The following SHISA2 variants were observed in gnomAD, a reference collection of about 807,000 sequenced individuals.
SHISA2 encodes the protein protein shisa-2 homolog.
In SHISA2, 16 loss-of-function variants were observed where a neutral mutation model predicts 23.8. The observed-to-expected ratio is 0.67, with a 90% CI of 0.46 to 1.02. The LOEUF is 1.02. SHISA2 is among the 50% of genes least tolerant of loss of function. The probability of loss-of-function intolerance (pLI) is 0.00; values close to 1 mark genes in which losing one functional copy is unlikely to be tolerated. For missense variants in SHISA2, 459 were observed against 420.1 expected (o/e 1.09, Z -0.81); for synonymous variants, 201 against 178.6 (o/e 1.13, Z -1.00).
chr13:26,048,460 T>C (rs1205387355), intron 1 of SHISA2, among the ~76,000 whole-genome samples: 1 of 152,140 alleles, frequency 6.6e-6, no homozygotes, highest in Non-Finnish European at 1.5e-5. Flanking sequence ...TTTGTGGAAT[T>C]CTACCCTATG....
Position 26,050,851 on chromosome 13 carries a change from A to C in SHISA2, c.125T>G (p.Leu42Arg). The change falls in exon 1 of 2, where the codon CTG becomes CGG. Residue 42 changes from leucine to arginine, a missense_variant. Coordinates refer to ENST00000319420, the MANE Select transcript of SHISA2 (RefSeq NM_001007538.2). The stretch of plus-strand genomic sequence containing the variant: ...GATGCGCCAGACGCCCTGCGCGTCC[A>C]GCCAGCCGTGGCAGTACTCGCCGCT... ...RASGEYCHGW[L>R]DAQGVWRIGF... 2 of 1,530,452 alleles carry C rather than the reference A, an allele frequency of 1.3e-6. No individual in the cohort carries two copies. The highest frequency in any genetic ancestry group is 1.2e-5 in the South Asian group (1 of 83,338). The allele number at this position is 1,530,452 out of a possible 1,614,324, so 94.8% of individuals were successfully genotyped here.
At position 26,051,014 on chromosome 13, in the gene SHISA2, C is replaced by G; in HGVS notation, c.-39G>C. 6.9e-7 allele frequency: 1 copy of G among 1,442,888 alleles called. No homozygotes were observed. Among genetic ancestry groups the G allele is most frequent in the Admixed American group, 2.6e-5 (1 of 37,846 alleles). The allele number at this position is 1,442,888 out of a possible 1,614,324, so 89.4% of individuals were successfully genotyped here. On this transcript the variant is annotated 5_prime_UTR_variant, in exon 1 of 2. Coordinates refer to ENST00000319420, the MANE Select transcript of SHISA2 (RefSeq NM_001007538.2). ...GCGCGGACAGCGCGTCTCCAGAGAG[C>G]GCAGGACGGTCTCCGAGAAGTCGTG...
intron 1 of SHISA2, among the ~76,000 whole-genome samples, chr13:26,047,532 C>T (rs945304721): frequency 1.3e-5 from 2 of 152,154 alleles, no homozygotes; most frequent in East Asian, 1.9e-4. Flanking sequence ...AAGTTCCTTG[C>T]AAATTTCTTT....
Position 26,050,814 on chromosome 13 carries a change from A to C in SHISA2, c.162T>G (p.Cys54Trp). The change falls in exon 1 of 2, where the codon TGT becomes TGG. Residue 54 changes from cysteine to tryptophan, a missense_variant. Transcript: ENST00000319420. ...AQGVWRIGFQCPERFDGGDAT... is the reference protein window; with the variant it reads ...AQGVWRIGFQWPERFDGGDAT... ...CGTCGCCGCCGTCGAAGCGCTCGGG[A>C]CACTGGAAGCCGATGCGCCAGACGC... 6.5e-7 allele frequency: 1 copy of C among 1,541,424 alleles called. No individual in the cohort carries two copies. Among genetic ancestry groups the C allele is most frequent in the Non-Finnish European group, 8.7e-7 (1 of 1,154,590 alleles).
Position 26,046,780 on chromosome 13 carries a change from G to GC in SHISA2, c.620dup (p.Cys207TrpfsTer80). ...CGTTGTTCATGGTCCCTTCCGGCAA[G>GC]CAACAGTTGGTCTGTGACCTTGTTG... On this transcript the variant is annotated frameshift_variant, in exon 2 of 2. Transcript: ENST00000319420. LOFTEE classifies it high-confidence loss of function. The GC allele has an allele frequency of 1.9e-6, 3 of 1,614,200 alleles. No homozygotes were observed. Among genetic ancestry groups the GC allele is most frequent in the Non-Finnish European group, 1.7e-6 (2 of 1,180,036 alleles).
chr13:26,049,068 C>A (rs1207667814), intron 1 of SHISA2, among the ~76,000 whole-genome samples: 1 of 151,970 alleles, frequency 6.6e-6, no homozygotes, highest in African/African-American at 2.4e-5. Context: ...AATATGTTAT[C>A]AAAAAATAAA....
rs1957261463 is a variant in SHISA2 at position 26,045,709 on chromosome 13, TCA to T, written c.*802_*803del. The T allele has an allele frequency of 6.6e-6, 1 of 152,042 alleles. No homozygotes were observed. Among genetic ancestry groups the T allele is most frequent in the African/African-American group, 2.4e-5 (1 of 41,396 alleles). The allele number at this position is 152,042 out of a possible 1,614,324, so 9.4% of individuals were successfully genotyped here. On this transcript the variant is annotated 3_prime_UTR_variant, in exon 2 of 2. Transcript: ENST00000319420. ...GGAATACTGAGACTGATGACTGATC[TCA>T]CAGAGTTCAAACAGGTTTCCTTTTA...
In SHISA2 at chr13:26,050,992, C is replaced by A; in HGVS notation, c.-17G>T. On this transcript the variant is annotated 5_prime_UTR_variant, in exon 1 of 2. Coordinates refer to ENST00000319420, the MANE Select transcript of SHISA2 (RefSeq NM_001007538.2). ...GCCCCACATGGCACCACCCTGGGCG[C>A]GGACAGCGCGTCTCCAGAGAGCGCA... 2.7e-6 allele frequency: 4 copies of A among 1,485,526 alleles called. No individual in the cohort carries two copies. Among genetic ancestry groups the A allele is most frequent in the Non-Finnish European group, 2.7e-6 (3 of 1,127,012 alleles). 92.0% of individuals were successfully genotyped at this position (1,485,526 alleles called of 1,614,324 possible). A position where few individuals can be genotyped will look rare whatever the true frequency, so the allele number is the denominator to read the frequency against.
In SHISA2 at chr13:26,051,561, G is replaced by C. The variant is rs565009214; in HGVS notation, c.-586C>G. On this transcript the variant is annotated 5_prime_UTR_variant, in exon 1 of 2. Transcript: ENST00000319420. The stretch of plus-strand genomic sequence containing the variant: ...CCTCTGCCCCGAACTTGGTCCGCAT[G>C]GCTCCGGCCGGGCCGCCCGGGCAGC... Among the ~76,000 whole-genome samples the C allele has an allele frequency of 1.3e-5, 2 of 152,286 alleles. No individual in the cohort carries two copies. Among genetic ancestry groups the C allele is most frequent in the South Asian group, 4.1e-4 (2 of 4,826 alleles).
chr13:26,047,830 G>A (rs377350294), intron 1 of SHISA2, among the ~76,000 whole-genome samples: 6 of 152,170 alleles, frequency 3.9e-5, no homozygotes, highest in Admixed American at 1.3e-4. Flanking sequence ...GCAACAAGAC[G>A]TGTTCCAGAA....
chr13:26,046,834 G>A lies in SHISA2; in HGVS notation c.567C>T (p.Ser189=), dbSNP rs755132189. ...RQSSTAASSS[S]SANSGARAPP... ...GCGCCCGGGCCCCTGAGTTGGCGCT[G>A]GAGCTGGAACTGGCAGCTGTGCTGG... Residue 189 remains serine, a synonymous_variant, in exon 2 of 2, where the codon TCC becomes TCT. Coordinates refer to ENST00000319420, the MANE Select transcript of SHISA2 (RefSeq NM_001007538.2). 1.1e-5 allele frequency: 17 copies of A among 1,614,132 alleles called. No homozygotes were observed. In the East Asian group the frequency reaches 3.8e-4, roughly 36 times the overall value.
chr13:26,047,004 A>T lies in SHISA2; in HGVS notation c.397T>A (p.Ser133Thr), dbSNP rs1352811203. ...CTGCAGCAACAGGCTGCCACCAGGG[A>T]CCCCAAGATGATAAAGGCGACAAAC... is the stretch of plus-strand genomic sequence containing the variant. ...SVFVAFIILG[S>T]LVAACCCRCL... is the part of the protein sequence containing the mutation. The change falls in exon 2 of 2, where the codon TCC becomes ACC. Residue 133 changes from serine to threonine, a missense_variant. By Grantham distance (58) the Ser-to-Thr change is moderately conservative. Transcript: ENST00000319420. The T allele has an allele frequency of 6.3e-7, 1 of 1,585,618 alleles. No homozygotes were observed. The highest frequency in any genetic ancestry group is 1.8e-5 in the Admixed American group (1 of 54,786).
At chr13:26,050,573 C>A (rs1466388691) in intron 1 of SHISA2, 69 bp downstream of exon 1, 2 of 1,344,274 alleles carry the variant, frequency 1.5e-6, no homozygotes, top group African/African-American at 3.1e-5. Context: ...CCCCTTCAAA[C>A]TCCCAGGTCC....
chr13:26,049,949 G>T (rs375081942), intron 1 of SHISA2, among the ~76,000 whole-genome samples: 3 of 151,552 alleles, frequency 2.0e-5, no homozygotes, highest in South Asian at 2.1e-4. Flanking sequence ...GAAGGTTTCT[G>T]AAGAGTGAAG....
chr13:26,051,844 C>A lies in SHISA2; in HGVS notation c.-869G>T, dbSNP rs1007418714. ...GCAGCGCGGTCCCACAGGAGCCCGG[C>A]AGCCTCCGGCCGGCTCTCCCTCTCC... On this transcript the variant is annotated 5_prime_UTR_variant, in exon 1 of 2. Transcript: ENST00000319420. Among the ~76,000 whole-genome samples the A allele has an allele frequency of 6.6e-6, 1 of 152,070 alleles. No individual in the cohort carries two copies. Among genetic ancestry groups the A allele is most frequent in the Non-Finnish European group, 1.5e-5 (1 of 67,978 alleles).
Position 26,045,491 on chromosome 13 carries a change from A to G in SHISA2, c.*1022T>C, listed in dbSNP as rs1355892393. 6.6e-6 allele frequency: 1 copy of G among 152,212 alleles called. No individual in the cohort carries two copies. The highest frequency in any genetic ancestry group is 1.5e-5 in the Non-Finnish European group (1 of 68,044). The allele number at this position is 152,212 out of a possible 1,614,324, so 9.4% of individuals were successfully genotyped here. A position where few individuals can be genotyped will look rare whatever the true frequency, so the allele number is the denominator to read the frequency against. On this transcript the variant is annotated 3_prime_UTR_variant, in exon 2 of 2. Transcript: ENST00000319420. ...ATACCACCTACTACTTCAAGATTAA[A>G]ATCATCCCAGAGTTCTGAAATGTCT... is the stretch of plus-strand genomic sequence containing the variant.
rs1006864406 is a variant in SHISA2 at position 26,046,732 on chromosome 13, A to T, written c.669T>A (p.Asn223Lys). Residue 223 changes from asparagine (N) to lysine (K), a missense_variant, in exon 2 of 2, where the codon AAT becomes AAA. Coordinates refer to ENST00000319420, the MANE Select transcript of SHISA2 (RefSeq NM_001007538.2). ...MNNVYVNMPT[N>K]FSVLNCQQAT... ...CCTGCTGACAGTTCAGCACAGAGAA[A>T]TTCGTGGGCATGTTGACATACACGT... The T allele has an allele frequency of 6.2e-7, 1 of 1,614,176 alleles. No individual in the cohort carries two copies. The highest frequency in any genetic ancestry group is 8.5e-7 in the Non-Finnish European group (1 of 1,180,036).
chr13:26,049,767 C>A (rs947291490), intron 1 of SHISA2, among the ~76,000 whole-genome samples: 6 of 151,954 alleles, frequency 3.9e-5, no homozygotes, highest in Admixed American at 2.6e-4. Flanking sequence ...GAAAAGCCTC[C>A]CAGGTAAACA....
chr13:26,050,532 C>T (rs1474211130), intron 1 of SHISA2, 110 bp downstream of exon 1: 2 of 1,136,626 alleles, frequency 1.8e-6, no homozygotes, highest in Admixed American at 4.1e-5. Flanking sequence ...CAGACTCCGC[C>T]TCCTGGTCCT....
Sources: gnomAD v4.1 joint callset for allele counts (sites outside exome capture counted in the v4.1 genomes callset) on GRCh38, gnomAD v4.1.1 for gene constraint, MANE v1.5 for transcripts, NCBI Gene and HGNC (gene_info 2026-07-23, HGNC 2026-07-21) for gene names.